Variants in ERBB4 observed in about 807,000 individuals in gnomAD.
The protein encoded by ERBB4 is receptor tyrosine-protein kinase erbB-4.
In ERBB4, 42 loss-of-function variants were observed where a neutral mutation model predicts 158.0. The observed-to-expected ratio is 0.27, with a 90% CI of 0.21 to 0.34. The LOEUF is 0.34. Ranked by LOEUF, ERBB4 falls within the 10% of genes least tolerant of loss-of-function variation. ERBB4 has a pLI of 1.00. For synonymous variants in ERBB4, 583 were observed against 558.7 expected, an observed-to-expected ratio of 1.04 and a Z score of -0.61; for missense variants, 1,333 against 1,624.1, an observed-to-expected ratio of 0.82 and a Z score of 3.08.
intron 17 of ERBB4, among the ~76,000 whole-genome samples, chr2:211,629,844 A>G (rs1389218001): frequency 1.3e-5 from 2 of 152,208 alleles, no homozygotes; most frequent in African/African-American, 4.8e-5. Context: ...GGCTAGCCAT[A>G]TGTAGAAATC....
intron 2 of ERBB4, among the ~76,000 whole-genome samples, chr2:211,980,855 T>G (rs1243468859): frequency 1.3e-5 from 2 of 152,110 alleles, no homozygotes; most frequent in African/African-American, 2.4e-5. Context: ...AATCCATATT[T>G]CATATGGCCT....
At chr2:211,577,030 A>G (rs560216564) in intron 19 of ERBB4, among the ~76,000 whole-genome samples, 1 of 152,308 alleles carries the variant, frequency 6.6e-6, no homozygotes, top group South Asian at 2.1e-4. Flanking sequence ...CAAAACCTCA[A>G]TCTGAGGTTA....
chr2:211,475,717 A>T (rs995136270), intron 20 of ERBB4, among the ~76,000 whole-genome samples: 4 of 152,120 alleles, frequency 2.6e-5, no homozygotes, highest in African/African-American at 9.7e-5. Context: ...ACCTAAGCAG[A>T]AAACTTTCTG....
chr2:211,863,138 A>C (rs2078110063), intron 3 of ERBB4, among the ~76,000 whole-genome samples: 1 of 148,020 alleles, frequency 6.8e-6, no homozygotes, highest in Non-Finnish European at 1.5e-5. Context: ...CACCCCAATC[A>C]GCACTCTGTG....
At chr2:211,840,066 G>A (rs59618735) in intron 3 of ERBB4, among the ~76,000 whole-genome samples, 2,064 of 151,768 alleles carry the variant, frequency 0.014, 58 homozygotes, top group African/African-American at 0.048. Flanking sequence ...TCTGTGATAC[G>A]GTTTGGGTGT....
At chr2:211,643,511 G>A (rs545223240) in intron 16 of ERBB4, among the ~76,000 whole-genome samples, 8 of 152,124 alleles carry the variant, frequency 5.3e-5, no homozygotes, top group South Asian at 2.1e-4. Context: ...TGAAAAGTTC[G>A]TATGAAAAGT....
chr2:211,780,792 G>A (rs1400638306), intron 4 of ERBB4, among the ~76,000 whole-genome samples: 1 of 152,116 alleles, frequency 6.6e-6, no homozygotes, highest in Non-Finnish European at 1.5e-5. Context: ...TATTAAAACA[G>A]GTCCATAAAA....
intron 19 of ERBB4, among the ~76,000 whole-genome samples, chr2:211,570,972 T>C (rs2125744227): frequency 6.6e-6 from 1 of 151,682 alleles, no homozygotes; most frequent in East Asian, 1.9e-4. Context: ...TTCTTCAAAA[T>C]CCTTCTTTGG....
At chr2:211,583,388 T>G (rs2068161201) in intron 19 of ERBB4, among the ~76,000 whole-genome samples, 1 of 151,910 alleles carries the variant, frequency 6.6e-6, no homozygotes, top group Non-Finnish European at 1.5e-5. Context: ...AGGAATAAAT[T>G]TTAATTAATT....
intron 19 of ERBB4, among the ~76,000 whole-genome samples, chr2:211,603,003 C>T (rs2068846463): frequency 6.6e-6 from 1 of 151,990 alleles, no homozygotes; most frequent in Middle Eastern, 3.4e-3. Context: ...CTGAGGTGGG[C>T]GGATCACTAG....
chr2:211,920,588 G>A lies in ERBB4; in HGVS notation c.421+26842C>T, dbSNP rs143985541. Among the ~76,000 whole-genome samples, 678 of 152,074 alleles carry A rather than the reference G, an allele frequency of 4.5e-3. 7 individuals carry two copies. The highest frequency in any genetic ancestry group is 0.021 in the Admixed American group (314 of 15,252). Reference sequence around the variant, plus strand: ...AACCTTGACAAGATTACTGCAAGATGTGTTTGCCAATATACTACACAGAAC... The same window carrying A: ...AACCTTGACAAGATTACTGCAAGATATGTTTGCCAATATACTACACAGAAC... On this transcript the variant is annotated intron_variant, in intron 3 of 27. Transcript: ENST00000342788.
At chr2:211,428,589 A>G in intron 21 of ERBB4, 106 bp from the exon 22 acceptor site, 1 of 660,560 alleles carries the variant, frequency 1.5e-6, no homozygotes, top group Non-Finnish European at 2.8e-6. Flanking sequence ...ATATTTTTTT[A>G]TTATGTGTGT....
At chr2:211,450,477 G>A (rs2064217136) in intron 20 of ERBB4, among the ~76,000 whole-genome samples, 2 of 152,184 alleles carry the variant, frequency 1.3e-5, no homozygotes, top group African/African-American at 4.8e-5. Flanking sequence ...CTCTAAGTGA[G>A]AGATGATGGC....
rs538278499 is a variant in ERBB4, at chr2:212,233,079, G to T, written c.83-108176C>A. Reference sequence around the variant, plus strand: ...ATACAAGTTGGGTAGGTCCAAAAGAGATTGGAATATTCAGGACATGCTATT... The same window carrying T: ...ATACAAGTTGGGTAGGTCCAAAAGATATTGGAATATTCAGGACATGCTATT... On this transcript the variant is annotated intron_variant, in intron 1 of 27. Transcript: ENST00000342788. Among the ~76,000 whole-genome samples the T allele has an allele frequency of 9.2e-5, 14 of 152,290 alleles. No individual in the cohort carries two copies. In the East Asian group the frequency reaches 1.7e-3, roughly 19 times the overall value.
At chr2:212,471,976 TTAAG>T (rs529231935) in intron 1 of ERBB4, among the ~76,000 whole-genome samples, 42 of 152,004 alleles carry the variant, frequency 2.8e-4, no homozygotes, top group Middle Eastern at 6.8e-3. Flanking sequence ...TCTCTCATAC[TTAAG>T]TAAGTAACAT....
intron 1 of ERBB4, among the ~76,000 whole-genome samples, chr2:212,415,386 G>A: frequency 6.6e-6 from 1 of 152,246 alleles, no homozygotes; most frequent in Admixed American, 6.5e-5. Flanking sequence ...ATGAAAAATA[G>A]TAGTGTAACT....
At chr2:212,444,137 T>A (rs1216748664) in intron 1 of ERBB4, among the ~76,000 whole-genome samples, 1 of 152,156 alleles carries the variant, frequency 6.6e-6, no homozygotes, top group Non-Finnish European at 1.5e-5. Context: ...CACCAATGGC[T>A]TCATGGTGAG....
chr2:212,390,141 G>A (rs1339230299), intron 1 of ERBB4, among the ~76,000 whole-genome samples: 1 of 151,780 alleles, frequency 6.6e-6, no homozygotes, highest in Non-Finnish European at 1.5e-5. Flanking sequence ...TTATGTAACT[G>A]TAAATTAAAA....
At chr2:212,449,634 C>A (rs1214165442) in intron 1 of ERBB4, among the ~76,000 whole-genome samples, 1 of 151,948 alleles carries the variant, frequency 6.6e-6, no homozygotes, top group Non-Finnish European at 1.5e-5. Flanking sequence ...TTTGTATTTA[C>A]CTAAGCTTCT....
Sources: allele counts gnomAD v4.1 joint callset (sites outside exome capture counted in the v4.1 genomes callset), GRCh38; gene constraint gnomAD v4.1.1; transcripts MANE v1.5; gene names NCBI Gene and HGNC (gene_info 2026-07-23, HGNC 2026-07-21).